PDSS2: variants seen among roughly 807,000 people sequenced by gnomAD.
PDSS2 encodes all trans-polyprenyl-diphosphate synthase PDSS2.
In PDSS2, 31 loss-of-function variants were observed where a neutral mutation model predicts 44.5. The ratio of observed to expected loss-of-function variants is 0.70; its 90% CI spans 0.52 to 0.94. The LOEUF (loss-of-function observed/expected upper bound fraction) is 0.94. PDSS2 is among the 40% of genes least tolerant of loss of function. The probability of loss-of-function intolerance (pLI) is 0.00; values close to 1 mark genes in which losing one functional copy is unlikely to be tolerated. For synonymous variants in PDSS2, 157 were observed against 180.3 expected, an observed-to-expected ratio of 0.87 and a Z score of 1.03; for missense variants, 452 against 482.2, an observed-to-expected ratio of 0.94 and a Z score of 0.59.
intron 2 of PDSS2, among the ~76,000 whole-genome samples, chr6:107,322,927 C>T (rs185160221): frequency 6.6e-6 from 1 of 152,104 alleles, no homozygotes; most frequent in Non-Finnish European, 1.5e-5. Flanking sequence ...GGGAGGATGC[C>T]AGGATTAGAG....
chr6:107,327,500 C>A lies in PDSS2; in HGVS notation c.431+6698G>T, dbSNP rs1164560214. Among the ~76,000 whole-genome samples, 3 of 152,270 alleles carry A rather than the reference C, an allele frequency of 2.0e-5. No homozygotes were observed. The East Asian group carries it at 5.8e-4, about 29-fold the overall frequency. On this transcript the variant is annotated intron_variant, in intron 2 of 7. Transcript: ENST00000369037. The stretch of plus-strand genomic sequence containing the variant: ...AAAAATTTCCCTGGACAGGGCCAGG[C>A]AGGCTGGGGTGCAGTGGCACGAACC...
intron 1 of PDSS2, among the ~76,000 whole-genome samples, chr6:107,353,478 A>G (rs1778495783): frequency 6.6e-6 from 1 of 152,148 alleles, no homozygotes; most frequent in Admixed American, 6.5e-5. Context: ...AATTTTTCTC[A>G]TATTAGCTAA....
intron 7 of PDSS2, among the ~76,000 whole-genome samples, chr6:107,162,639 A>C (rs1554246892): frequency 1.0e-5 from 1 of 99,992 alleles, no homozygotes; most frequent in African/African-American, 5.1e-5. Flanking sequence ...ATGGAGTCTC[A>C]CTCTGCCACT....
chr6:107,249,654 C>T (rs1460013195), intron 3 of PDSS2, among the ~76,000 whole-genome samples: 2 of 152,128 alleles, frequency 1.3e-5, no homozygotes, highest in Non-Finnish European at 2.9e-5. Flanking sequence ...TACAGCAAAG[C>T]CATACACTAT....
intron 2 of PDSS2, among the ~76,000 whole-genome samples, chr6:107,317,098 C>T (rs1392865071): frequency 1.3e-5 from 2 of 152,252 alleles, no homozygotes; most frequent in South Asian, 2.1e-4. Flanking sequence ...AAACCAAGAA[C>T]GAGCCTGCTG....
chr6:107,161,300 G>C (rs934412249), intron 7 of PDSS2, among the ~76,000 whole-genome samples: 1 of 151,776 alleles, frequency 6.6e-6, no homozygotes, highest in Admixed American at 6.6e-5. Context: ...CTAACACAGA[G>C]AAACCCCGTC....
chr6:107,318,939 G>T (rs750045866), intron 2 of PDSS2, among the ~76,000 whole-genome samples: 1 of 152,052 alleles, frequency 6.6e-6, no homozygotes, highest in Non-Finnish European at 1.5e-5. Context: ...AGTGAGCCGA[G>T]ATTGTGCCAT....
chr6:107,296,286 C>T (rs886619872), intron 2 of PDSS2, among the ~76,000 whole-genome samples: 2 of 147,140 alleles, frequency 1.4e-5, no homozygotes, highest in East Asian at 3.9e-4. Flanking sequence ...ATGTGTACTA[C>T]GTGTATGACA....
intron 1 of PDSS2, among the ~76,000 whole-genome samples, chr6:107,411,812 G>A (rs981652733): frequency 6.6e-6 from 1 of 151,550 alleles, no homozygotes; most frequent in South Asian, 2.1e-4. Flanking sequence ...TGTTAGTATT[G>A]GGGGGTGGGG....
intron 6 of PDSS2, among the ~76,000 whole-genome samples, chr6:107,199,443 G>A (rs1772692463): frequency 6.6e-6 from 1 of 152,180 alleles, no homozygotes; most frequent in African/African-American, 2.4e-5. Context: ...TGGGGCTACA[G>A]GTATGTACCA....
At position 107,237,153 on chromosome 6, in the gene PDSS2, A is replaced by C. The variant is rs114589300; in HGVS notation, c.702+8395T>G. ...TTGCCATGTTGCGTAAGCTGGTCTC[A>C]AACTCCTTGGCTCAAGTGATTGCCC... On this transcript the variant is annotated intron_variant, in intron 4 of 7. Coordinates refer to ENST00000369037, the MANE Select transcript of PDSS2 (RefSeq NM_020381.4). 2.7e-3 allele frequency among the ~76,000 whole-genome samples: 416 copies of C among 152,200 alleles called. 3 individuals are homozygous for C. Among genetic ancestry groups the C allele is most frequent in the African/African-American group, 8.9e-3 (371 of 41,526 alleles).
At chr6:107,321,516 T>C (rs1562460689) in intron 2 of PDSS2, among the ~76,000 whole-genome samples, 1 of 152,172 alleles carries the variant, frequency 6.6e-6, no homozygotes, top group African/African-American at 2.4e-5. Context: ...TCCCGGAGTG[T>C]CCAAATCCTA....
intron 4 of PDSS2, among the ~76,000 whole-genome samples, chr6:107,221,102 G>A (rs1045634494): frequency 1.3e-5 from 2 of 152,196 alleles, no homozygotes; most frequent in Admixed American, 1.3e-4. Context: ...CAACACTTCG[G>A]GAGGCCGAGG....
intron 4 of PDSS2, among the ~76,000 whole-genome samples, chr6:107,219,717 C>G (rs1414727478): frequency 6.6e-6 from 1 of 152,220 alleles, no homozygotes. Context: ...TTAATTCTCT[C>G]TGAACTGTAT....
intron 1 of PDSS2, among the ~76,000 whole-genome samples, chr6:107,371,783 A>C (rs1215731435): frequency 2.0e-5 from 3 of 152,214 alleles, no homozygotes; most frequent in African/African-American, 7.2e-5. Flanking sequence ...AAATTAACTA[A>C]ATTAAATAAT....
intron 1 of PDSS2, among the ~76,000 whole-genome samples, chr6:107,415,946 A>T (rs930064302): frequency 2.6e-5 from 4 of 152,210 alleles, no homozygotes; most frequent in Admixed American, 6.5e-5. Flanking sequence ...CTGGTTTCTT[A>T]GTTTAATTTA....
chr6:107,180,821 TA>T (rs1455043946), intron 7 of PDSS2, among the ~76,000 whole-genome samples: 1 of 152,212 alleles, frequency 6.6e-6, no homozygotes, highest in African/African-American at 2.4e-5. Context: ...AACTTTTACA[TA>T]TATCATTTTA....
chr6:107,328,844 C>A (rs1206723118), intron 2 of PDSS2, among the ~76,000 whole-genome samples: 1 of 152,176 alleles, frequency 6.6e-6, no homozygotes, highest in Admixed American at 6.5e-5. Context: ...GATCCCAGAA[C>A]CTTTTGTCCC....
intron 6 of PDSS2, among the ~76,000 whole-genome samples, chr6:107,201,390 CAAAA>C (rs747612959): frequency 1.2e-3 from 63 of 52,158 alleles, no homozygotes; most frequent in South Asian, 5.7e-3. Context: ...CATACAAAAG[CAAAA>C]AAAAAAAAAA....
Sources: gnomAD v4.1 joint callset for allele counts (sites outside exome capture counted in the v4.1 genomes callset) on GRCh38, gnomAD v4.1.1 for gene constraint, MANE v1.5 for transcripts, NCBI Gene and HGNC (gene_info 2026-07-23, HGNC 2026-07-21) for gene names.